The following FRY variants were observed in gnomAD, a reference collection of about 807,000 sequenced individuals.
The protein encoded by FRY is protein furry homolog.
FRY carries 128 observed loss-of-function variants against 348.4 expected under a neutral mutation model. The ratio of observed to expected loss-of-function variants is 0.37; its 90% CI spans 0.32 to 0.43. FRY has a LOEUF of 0.43. Among genes scored for constraint, FRY ranks in the 20% least tolerant of loss-of-function variants. The pLI, the probability that FRY is intolerant of heterozygous loss-of-function variation, is 1.00. For missense variants in FRY, 2,736 were observed against 3,695.2 expected, an observed-to-expected ratio of 0.74 and a Z score of 6.73; for synonymous variants, 1,370 against 1,374.7, an observed-to-expected ratio of 1.00 and a Z score of 0.08.
At chr13:32,209,483 T>C (rs753855740) in intron 32 of FRY, 102 bp from the exon 33 acceptor site, 23 of 1,110,758 alleles carry the variant, frequency 2.1e-5, no homozygotes, top group Non-Finnish European at 3.0e-5. Flanking sequence ...CCCCTTCTTA[T>C]GATTTTGAGA....
chr13:32,090,732 G>A (rs1412937853), intron 2 of FRY, among the ~76,000 whole-genome samples: 1 of 150,890 alleles, frequency 6.6e-6, no homozygotes, highest in Non-Finnish European at 1.5e-5. Flanking sequence ...CTTTTTTAAA[G>A]AATGCCTATG....
rs114203266 is a variant in FRY, at chr13:32,278,075, A to C, written c.8386-390A>C. 2.5e-3 allele frequency among the ~76,000 whole-genome samples: 380 copies of C among 152,324 alleles called. 1 individual carries two copies. The highest frequency in any genetic ancestry group is 8.7e-3 in the African/African-American group (360 of 41,566). On this transcript the variant is annotated intron_variant, in intron 57 of 60. Transcript: ENST00000542859. ...AGCATGACAGAAGTAGGTGTGTCCA[A>C]GTCAGGTCATGTTGACCAGAATCAC... is the stretch of plus-strand genomic sequence containing the variant.
At position 32,239,759 on chromosome 13, in the gene FRY, A is replaced by G. The variant is rs377423530; in HGVS notation, c.6565A>G (p.Met2189Val). Residue 2189 changes from methionine to valine, a missense_variant, in exon 46 of 61, where the codon ATG (methionine) becomes GTG (valine). This residue lies in a region of FRY where 789 missense variants were observed against 996.2 expected (regional missense o/e 0.79). Coordinates refer to ENST00000542859, the MANE Select transcript of FRY (RefSeq NM_023037.3). This position sits in a 1 kb window ranked among gnomAD's most constrained non-coding sequence, Gnocchi z 4.3. ...NPKLSNLAHV[M>V]TLYKTHSYTR... The stretch of plus-strand genomic sequence containing the variant: ...CAAACTTTCAAATCTTGCACATGTC[A>G]TGACTCTTTATAAAACGCACAGCTA... 2.2e-5 allele frequency: 35 copies of G among 1,613,808 alleles called. No individual in the cohort carries two copies. Among genetic ancestry groups the G allele is most frequent in the Non-Finnish European group, 2.7e-5 (32 of 1,179,818 alleles).
In FRY at chr13:32,102,033, T is replaced by C. The variant is rs1462700114; in HGVS notation, c.324+17T>C. The C allele has an allele frequency of 7.0e-7, 1 of 1,422,864 alleles. No homozygotes were observed. The highest frequency in any genetic ancestry group is 2.3e-5 in the East Asian group (1 of 44,134). 88.1% of individuals were successfully genotyped at this position (1,422,864 alleles called of 1,614,324 possible). A position where few individuals can be genotyped will look rare whatever the true frequency, so the allele number is the denominator to read the frequency against. ...TTTGATCAGGTATGTGATATATATG[T>C]TATATACTAGTTTTCCTTTATTTCA... On this transcript the variant is annotated intron_variant, in intron 3 of 60. Transcript: ENST00000542859.
chr13:32,162,955 CAA>C (rs1364854629), intron 17 of FRY, among the ~76,000 whole-genome samples: 2 of 152,126 alleles, frequency 1.3e-5, no homozygotes, highest in African/African-American at 4.8e-5. Context: ...TGTGGAGGAA[CAA>C]AGAGTGGGTT....
In FRY at chr13:32,202,014, T is replaced by TC; in HGVS notation, c.3820_3821insC (p.Tyr1274SerfsTer2). 1 of 1,601,200 alleles carries TC rather than the reference T, an allele frequency of 6.2e-7. No homozygotes were observed. On this transcript the variant is annotated frameshift_variant, in exon 30 of 61. Coordinates refer to ENST00000542859, the MANE Select transcript of FRY (RefSeq NM_023037.3). LOFTEE classifies it high-confidence loss of function. ...GGCCTCTGACACCAACAGAGAGATT[T>TC]ATGAAATCTCCATGCAGCTCATGCA...
At chr13:32,064,457 A>G (rs138591565) in intron 1 of FRY, among the ~76,000 whole-genome samples, 194 of 150,780 alleles carry the variant, frequency 1.3e-3, no homozygotes, top group African/African-American at 4.5e-3. Context: ...TCACTTTGCA[A>G]TTATAGTCCT....
chr13:32,129,548 G>A (rs916023426), intron 7 of FRY, among the ~76,000 whole-genome samples: 3 of 151,688 alleles, frequency 2.0e-5, no homozygotes, highest in Non-Finnish European at 4.4e-5. Context: ...TGTCAGAAGG[G>A]GCCAGTTTGG....
intron 40 of FRY, among the ~76,000 whole-genome samples, chr13:32,230,686 G>T (rs1885862051): frequency 6.6e-6 from 1 of 152,164 alleles, no homozygotes; most frequent in African/African-American, 2.4e-5. Flanking sequence ...TAATGGAATT[G>T]CTGGGTCGAA....
At chr13:32,286,439 T>C (rs1055769086) in intron 58 of FRY, among the ~76,000 whole-genome samples, 11 of 152,094 alleles carry the variant, frequency 7.2e-5, no homozygotes, top group Non-Finnish European at 1.5e-4. Flanking sequence ...TTCTATGATA[T>C]GGTGACATCA....
intron 47 of FRY, among the ~76,000 whole-genome samples, chr13:32,246,771 G>A (rs1886830501): frequency 6.6e-6 from 1 of 152,188 alleles, no homozygotes; most frequent in South Asian, 2.1e-4. Context: ...TGCCGTGGAG[G>A]GAACAGATTA....
chr13:32,096,981 G>T (rs1274167926), intron 2 of FRY, among the ~76,000 whole-genome samples: 1 of 152,034 alleles, frequency 6.6e-6, no homozygotes, highest in Non-Finnish European at 1.5e-5. Context: ...TGGAGAAAGT[G>T]AGCCTGACAA....
chr13:32,179,053 A>G lies in FRY; in HGVS notation c.2871+20A>G. 2 of 1,598,620 alleles carry G rather than the reference A, an allele frequency of 1.3e-6. No individual in the cohort carries two copies. Among genetic ancestry groups the G allele is most frequent in the Non-Finnish European group, 1.7e-6 (2 of 1,166,114 alleles). The stretch of plus-strand genomic sequence containing the variant: ...AACAAGGTGACATGACATGCTTCAG[A>G]AGAATTATTCTGTAAGGTTTTTTTT... On this transcript the variant is annotated intron_variant, in intron 22 of 60. Transcript: ENST00000542859.
At chr13:32,287,754 A>G (rs1235885479) in intron 58 of FRY, 3 of 324,944 alleles carry the variant, frequency 9.2e-6, no homozygotes, top group Non-Finnish European at 1.8e-5. Context: ...AGCAATGCTA[A>G]TACTGCTGGT....
intron 11 of FRY, among the ~76,000 whole-genome samples, chr13:32,138,596 A>G (rs1182165553): frequency 6.6e-6 from 1 of 152,204 alleles, no homozygotes; most frequent in South Asian, 2.1e-4. Flanking sequence ...CACTGACAGT[A>G]TATCCCTGTG....
intron 23 of FRY, among the ~76,000 whole-genome samples, chr13:32,180,984 A>G (rs1005470075): frequency 1.3e-5 from 2 of 151,798 alleles, no homozygotes; most frequent in African/African-American, 4.8e-5. Flanking sequence ...TCCGCCTTCC[A>G]GGTTCAAGCA....
At chr13:32,161,352 A>G in intron 17 of FRY, 101 bp downstream of exon 17, 1 of 859,454 alleles carries the variant, frequency 1.2e-6, no homozygotes. Context: ...ATATTTACCA[A>G]ATGAGGTACT....
chr13:32,283,587 C>T (rs907474704), intron 58 of FRY, among the ~76,000 whole-genome samples: 4 of 152,224 alleles, frequency 2.6e-5, no homozygotes, highest in African/African-American at 9.6e-5. Context: ...GGAAAATTCT[C>T]AGCGCATGTT....
intron 36 of FRY, 49 bp from the exon 37 acceptor site, chr13:32,224,186 A>C: frequency 6.8e-7 from 1 of 1,465,258 alleles, no homozygotes; most frequent in Non-Finnish European, 9.6e-7. Flanking sequence ...AGAGAAAACA[A>C]GTCTCCTCTC....
Sources: gnomAD v4.1 joint callset for allele counts (sites outside exome capture counted in the v4.1 genomes callset) on GRCh38, gnomAD v4.1.1 for gene constraint, gnomAD v4.1.1 regional missense constraint, Gnocchi (gnomAD v3.1) non-coding constraint, MANE v1.5 for transcripts, NCBI Gene and HGNC (gene_info 2026-07-23, HGNC 2026-07-21) for gene names.